CRISP2: variants seen among roughly 807,000 people sequenced by gnomAD.
CRISP2 encodes the protein cysteine rich secretory protein 2, also known as cysteine-rich secretory protein 2.
In CRISP2, 29 loss-of-function variants were observed where a neutral mutation model predicts 31.7. The ratio of observed to expected loss-of-function variants is 0.92; its 90% CI spans 0.68 to 1.25. The LOEUF (loss-of-function observed/expected upper bound fraction) is 1.25. CRISP2 is among the 50% of genes most tolerant of loss of function. The pLI, the probability that CRISP2 is intolerant of heterozygous loss-of-function variation, is 0.00. For missense variants in CRISP2, 318 were observed against 286.5 expected (o/e 1.11, Z -0.79); for synonymous variants, 111 against 101.4 (o/e 1.09, Z -0.57).
At chr6:49,680,850 A>AT in the CRISP2 span, among the ~76,000 whole-genome samples, 4 of 151,252 alleles carry the variant, frequency 2.6e-5, no homozygotes, top group Middle Eastern at 6.8e-3. Flanking sequence ...ATGAGGTTTT[A>AT]TTTTTTCTTG....
chr6:49,709,086 A>G (rs1767558351), intron 4 of CRISP2, 45 bp downstream of exon 4: 2 of 1,562,312 alleles, frequency 1.3e-6, no homozygotes, highest in Non-Finnish European at 8.8e-7. Flanking sequence ...GCCATACCAC[A>G]AAGTTGCTGG....
intron 9 of CRISP2, among the ~76,000 whole-genome samples, chr6:49,695,203 T>G (rs1764544548): frequency 1.3e-5 from 2 of 152,170 alleles, no homozygotes; most frequent in South Asian, 4.1e-4. Context: ...ATGAGATATA[T>G]GGTATTTATT....
At chr6:49,685,660 A>G in the CRISP2 span, among the ~76,000 whole-genome samples, 2 of 152,190 alleles carry the variant, frequency 1.3e-5, no homozygotes, top group African/African-American at 4.8e-5. Context: ...AAAAATAAAC[A>G]CAACTTTATT....
chr6:49,695,729 A>T, intron 9 of CRISP2, 107 bp downstream of exon 9: 4 of 939,912 alleles, frequency 4.3e-6, no homozygotes, highest in Non-Finnish European at 6.3e-6. Flanking sequence ...TTTTTTCACC[A>T]ATACATTATT....
downstream of CRISP2, among the ~76,000 whole-genome samples, chr6:49,689,710 A>G (rs1471133334): frequency 6.6e-6 from 1 of 152,162 alleles, no homozygotes; most frequent in Non-Finnish European, 1.5e-5. Flanking sequence ...ATATTTTCTA[A>G]TGTTTTCTAA....
chr6:49,680,048 A>G, the CRISP2 span, among the ~76,000 whole-genome samples: 1 of 152,144 alleles, frequency 6.6e-6, no homozygotes, highest in Non-Finnish European at 1.5e-5. Flanking sequence ...GGTTTGTTAC[A>G]TAGGTAAAGT....
At chr6:49,679,404 T>A in the CRISP2 span, among the ~76,000 whole-genome samples, 1 of 152,166 alleles carries the variant, frequency 6.6e-6, no homozygotes, top group East Asian at 1.9e-4. Context: ...CTTTTTATCA[T>A]GACAAGTTAT....
the CRISP2 span, among the ~76,000 whole-genome samples, chr6:49,682,715 CT>C: frequency 5.1e-5 from 7 of 137,850 alleles, no homozygotes; most frequent in African/African-American, 1.9e-4. Context: ...TTTTCTCTTT[CT>C]TTTTCTCTTT....
chr6:49,713,271 A>C (rs360545), intron 1 of CRISP2, among the ~76,000 whole-genome samples: 26,205 of 152,164 alleles, frequency 0.17, 2,921 homozygotes, highest in African/African-American at 0.32. Flanking sequence ...AACATAGAGA[A>C]GCATGTTGAA....
chr6:49,698,640 AG>A, intron 6 of CRISP2, 133 bp from the exon 7 acceptor site: 3 of 870,946 alleles, frequency 3.4e-6, no homozygotes, highest in Non-Finnish European at 5.3e-6. Flanking sequence ...TACATAAAGG[AG>A]TGCCTCAGTT....
At chr6:49,686,349 G>T in the CRISP2 span, among the ~76,000 whole-genome samples, 1 of 152,000 alleles carries the variant, frequency 6.6e-6, no homozygotes, top group African/African-American at 2.4e-5. Flanking sequence ...TCATATTCTT[G>T]GAACAACAAT....
intron 8 of CRISP2, among the ~76,000 whole-genome samples, chr6:49,697,446 A>C (rs1436853679): frequency 6.7e-6 from 1 of 148,814 alleles, no homozygotes; most frequent in African/African-American, 2.6e-5. Context: ...CAGAAGTAGG[A>C]ATATTTGAGC....
chr6:49,689,443 CA>C (rs1374171279), downstream of CRISP2, among the ~76,000 whole-genome samples: 1 of 151,958 alleles, frequency 6.6e-6, no homozygotes, highest in Admixed American at 6.6e-5. Flanking sequence ...TGGAATATAG[CA>C]GAGTCCTGGA....
intron 4 of CRISP2, 97 bp downstream of exon 4, chr6:49,709,034 C>T (rs1254163316): frequency 9.9e-7 from 1 of 1,008,068 alleles, no homozygotes; most frequent in African/African-American, 1.6e-5. Context: ...GAAACTCTGA[C>T]ATACCAAACT....
chr6:49,689,928 G>A (rs1763996313), downstream of CRISP2, among the ~76,000 whole-genome samples: 1 of 151,890 alleles, frequency 6.6e-6, no homozygotes, highest in African/African-American at 2.4e-5. Context: ...AGACAAAAAT[G>A]AGTATATTAA....
At chr6:49,683,695 ATATATATATATATATATAT>A in the CRISP2 span, among the ~76,000 whole-genome samples, 1 of 10,346 alleles carries the variant, frequency 9.7e-5, no homozygotes, top group East Asian at 4.2e-3. Flanking sequence ...AAAAAAAAAA[ATATATATATATATATATAT>A]ATATATATAG....
Position 49,692,780 on chromosome 6 carries a change from A to G in CRISP2, c.725T>C (p.Ile242Thr). The change falls in exon 10 of 10, where the codon ATT (isoleucine) becomes ACT (threonine). Residue 242 changes from isoleucine to threonine, a missense_variant. Ile to Thr is a moderately conservative substitution (Grantham distance 89, BLOSUM62 -1). Coordinates refer to ENST00000339139, the MANE Select transcript of CRISP2 (RefSeq NM_003296.4). Reference protein sequence around the residue: ...CKATCLCENKIY With the variant: ...CKATCLCENKTY ...CAATGCTCACTAGGTAAATCAGTAA[A>G]TTTTGTTCTCACATAGGCAAGTAGC... 3 of 1,612,990 alleles carry G rather than the reference A, an allele frequency of 1.9e-6. No homozygotes were observed. Among genetic ancestry groups the G allele is most frequent in the Non-Finnish European group, 2.5e-6 (3 of 1,179,190 alleles).
chr6:49,704,037 CT>C (rs1342405325), intron 4 of CRISP2, among the ~76,000 whole-genome samples: 1 of 152,022 alleles, frequency 6.6e-6, no homozygotes, highest in Non-Finnish European at 1.5e-5. Flanking sequence ...TTCTTGGAGG[CT>C]TTGTTCATTT....
At chr6:49,701,512 A>C (rs1270562287) in intron 4 of CRISP2, among the ~76,000 whole-genome samples, 6 of 127,656 alleles carry the variant, frequency 4.7e-5, no homozygotes, top group African/African-American at 6.4e-5. Context: ...ATATATATAT[A>C]TATATATATA....
Sources: gnomAD v4.1 joint callset for allele counts (sites outside exome capture counted in the v4.1 genomes callset) on GRCh38, gnomAD v4.1.1 for gene constraint, MANE v1.5 for transcripts, NCBI Gene and HGNC (gene_info 2026-07-23, HGNC 2026-07-21) for gene names.